RAD54L2: variants seen among roughly 807,000 people sequenced by gnomAD.
RAD54L2 encodes the protein helicase ARIP4.
In RAD54L2, 27 loss-of-function variants were observed where a neutral mutation model predicts 138.4. The observed-to-expected ratio is 0.20, with a 90% CI of 0.14 to 0.27. The LOEUF (loss-of-function observed/expected upper bound fraction) is 0.27. RAD54L2 is among the 10% of genes least tolerant of loss of function. RAD54L2 has a pLI of 1.00. For missense variants in RAD54L2, 1,396 were observed against 1,890.2 expected, an observed-to-expected ratio of 0.74 and a Z score of 4.85; for synonymous variants, 644 against 723.2, an observed-to-expected ratio of 0.89 and a Z score of 1.76.
intron 2 of RAD54L2, among the ~76,000 whole-genome samples, chr3:51,542,649 G>T (rs534324450): frequency 1.3e-5 from 2 of 152,226 alleles, no homozygotes; most frequent in East Asian, 3.9e-4. Context: ...ATTTTTAGTA[G>T]AGATGGGGTT....
intron 2 of RAD54L2, among the ~76,000 whole-genome samples, chr3:51,563,960 C>T (rs1699157571): frequency 6.6e-6 from 1 of 152,180 alleles, no homozygotes. Flanking sequence ...CACTTCCTGT[C>T]AAGTTTAGAA....
intron 3 of RAD54L2, among the ~76,000 whole-genome samples, chr3:51,610,657 A>AAAAAAAAC (rs1180965179): frequency 5.3e-5 from 8 of 151,184 alleles, no homozygotes; most frequent in African/African-American, 2.0e-4. Context: ...AAAAAAAAAA[A>AAAAAAAAC]CAGAAAGAAT....
intron 2 of RAD54L2, among the ~76,000 whole-genome samples, chr3:51,566,545 T>A (rs954571699): frequency 1.5e-5 from 2 of 135,184 alleles, no homozygotes; most frequent in Non-Finnish European, 3.1e-5. Flanking sequence ...AGTGGTGCCA[T>A]CACAGCTCAC....
At chr3:51,629,571 C>T in intron 5 of RAD54L2, 98 bp downstream of exon 5, 1 of 1,459,600 alleles carries the variant, frequency 6.9e-7, no homozygotes, top group African/African-American at 1.4e-5. Context: ...AAGACTGTGG[C>T]CTCTCGGCTG....
At chr3:51,593,070 A>G (rs1193724322) in intron 3 of RAD54L2, among the ~76,000 whole-genome samples, 1 of 152,060 alleles carries the variant, frequency 6.6e-6, no homozygotes, top group East Asian at 1.9e-4. Context: ...TTGTTTTCTT[A>G]GAGCAGTGGT....
At chr3:51,542,104 C>T (rs1172056774) in intron 2 of RAD54L2, among the ~76,000 whole-genome samples, 1 of 152,082 alleles carries the variant, frequency 6.6e-6, no homozygotes, top group East Asian at 1.9e-4. Context: ...TGGAGTCTTC[C>T]CACTTTTTCT....
chr3:51,619,666 T>TA (rs1028963010), intron 3 of RAD54L2, among the ~76,000 whole-genome samples: 4 of 152,184 alleles, frequency 2.6e-5, no homozygotes, highest in African/African-American at 7.2e-5. Context: ...GCAGGACCGA[T>TA]ATACCAAATT....
intron 10 of RAD54L2, among the ~76,000 whole-genome samples, chr3:51,636,324 A>G (rs933891250): frequency 6.6e-6 from 1 of 152,190 alleles, no homozygotes; most frequent in African/African-American, 2.4e-5. Context: ...TCACTTTAGA[A>G]GTCTCTTCAT....
intron 2 of RAD54L2, among the ~76,000 whole-genome samples, chr3:51,583,120 T>C (rs1386098621): frequency 6.6e-6 from 1 of 152,180 alleles, no homozygotes; most frequent in Admixed American, 6.6e-5. Flanking sequence ...AAATAACCTT[T>C]TTAATGAAAA....
Position 51,635,610 on chromosome 3 carries a change from C to T in RAD54L2, c.1160C>T (p.Ala387Val), listed in dbSNP as rs768959941. 1 of 1,610,356 alleles carries T rather than the reference C, an allele frequency of 6.2e-7. No individual in the cohort carries two copies. Among genetic ancestry groups the T allele is most frequent in the South Asian group, 1.1e-5 (1 of 90,294 alleles). Residue 387 changes from alanine (A) to valine (V), a missense_variant, in exon 10 of 23, where the codon GCT (alanine) becomes GTT (valine). This residue lies in a region of RAD54L2 where 169 missense variants were observed against 235.6 expected (regional missense o/e 0.72). Transcript: ENST00000684192. ...NDEHKTMASR[A>V]KVMADWVSEG... ...TCTTGCAGGACGATGGCATCTCGTG[C>T]TAAAGTGATGGCTGATTGGGTGTCA... is the stretch of plus-strand genomic sequence containing the variant.
Position 51,642,465 on chromosome 3 carries a change from A to G in RAD54L2, c.2350+598A>G, listed in dbSNP as rs76394955. ...TCATGAAGGACATAGTGTCATTGGG[A>G]AAAAAAAAGTCATTCCTTAGTGGGG... On this transcript the variant is annotated intron_variant, in intron 15 of 22. Coordinates refer to ENST00000684192, the MANE Select transcript of RAD54L2 (RefSeq NM_015106.4). 9.2e-3 allele frequency among the ~76,000 whole-genome samples: 1,396 copies of G among 151,202 alleles called. 30 individuals carry two copies. Among genetic ancestry groups the G allele is most frequent in the African/African-American group, 0.03 (1,249 of 41,192 alleles).
chr3:51,596,957 G>T (rs1577412516), intron 3 of RAD54L2, among the ~76,000 whole-genome samples: 1 of 152,134 alleles, frequency 6.6e-6, no homozygotes, highest in Non-Finnish European at 1.5e-5. Flanking sequence ...TTGAGGTCAG[G>T]AGTTCGAGAC....
chr3:51,639,212 G>T, intron 12 of RAD54L2: 1 of 587,830 alleles, frequency 1.7e-6, no homozygotes, highest in South Asian at 2.2e-5. Flanking sequence ...TATGCATGCT[G>T]CCATTCATGT....
chr3:51,644,044 A>G (rs1479319920), intron 16 of RAD54L2, 70 bp downstream of exon 16: 1 of 1,242,108 alleles, frequency 8.1e-7, no homozygotes, highest in Non-Finnish European at 1.1e-6. Flanking sequence ...CTGGTACCCC[A>G]AAACTCCAAG....
chr3:51,638,049 A>G lies in RAD54L2; in HGVS notation c.1683-95A>G, dbSNP rs1348715413. The G allele has an allele frequency of 3.5e-6, 4 of 1,136,948 alleles. No individual in the cohort carries two copies. The highest frequency in any genetic ancestry group is 5.1e-6 in the Non-Finnish European group (4 of 788,620). 70.4% of individuals were successfully genotyped at this position (1,136,948 alleles called of 1,614,324 possible). A position where few individuals can be genotyped will look rare whatever the true frequency, so the allele number is the denominator to read the frequency against. ...GTGCATGTTGAGATCCTCAAGAGGG[A>G]GGTGTGGCAGGAGTGCAAAAGGCTC... On this transcript the variant is annotated intron_variant, in intron 11 of 22. Transcript: ENST00000684192. The surrounding 1 kb of genome is among the most constrained non-coding windows in gnomAD (Gnocchi z 4.3).
intron 3 of RAD54L2, among the ~76,000 whole-genome samples, chr3:51,592,122 T>C (rs1340383152): frequency 8.4e-6 from 1 of 118,558 alleles, no homozygotes; most frequent in East Asian, 3.0e-4. Flanking sequence ...TGGAGTGGAA[T>C]GGCGCCATCT....
chr3:51,557,702 C>T (rs529623328), intron 2 of RAD54L2, among the ~76,000 whole-genome samples: 4 of 151,486 alleles, frequency 2.6e-5, no homozygotes, highest in East Asian at 1.9e-4. Flanking sequence ...TGGTGGCGGG[C>T]GCCTGTAATG....
At position 51,597,139 on chromosome 3, in the gene RAD54L2, T is replaced by C. The variant is rs1456248994; in HGVS notation, c.139+6580T>C. Among the ~76,000 whole-genome samples, 4 of 114,318 alleles carry C rather than the reference T, an allele frequency of 3.5e-5. No individual in the cohort carries two copies. In the Admixed American group the frequency reaches 5.3e-4, roughly 15 times the overall value. The allele number at this position is 114,318 out of a possible 152,430, so 75.0% of individuals were successfully genotyped here. ...GAGATTGCGCTATTGCACTCCAGCC[T>C]GGGGGACAAGAGCAAGACTTCATTT... On this transcript the variant is annotated intron_variant, in intron 3 of 22. Coordinates refer to ENST00000684192, the MANE Select transcript of RAD54L2 (RefSeq NM_015106.4).
intron 3 of RAD54L2, among the ~76,000 whole-genome samples, chr3:51,621,075 T>C (rs1461467129): frequency 1.3e-5 from 2 of 152,080 alleles, no homozygotes; most frequent in Non-Finnish European, 2.9e-5. Context: ...AATTATAGAA[T>C]TTTTGAAATA....
Sources: allele counts gnomAD v4.1 joint callset (sites outside exome capture counted in the v4.1 genomes callset), GRCh38; gene constraint gnomAD v4.1.1; regional missense constraint gnomAD v4.1.1; non-coding constraint Gnocchi (gnomAD v3.1); transcripts MANE v1.5; gene names NCBI Gene and HGNC (gene_info 2026-07-23, HGNC 2026-07-21).